The following ANKS1A variants were observed in gnomAD, a reference collection of about 807,000 sequenced individuals.
The protein encoded by ANKS1A is ankyrin repeat and sterile alpha motif domain containing 1A, also known as ankyrin repeat and SAM domain-containing protein 1A.
Under a neutral mutation model 120.3 loss-of-function variants are expected in ANKS1A, and 55 were observed. The ratio of observed to expected loss-of-function variants is 0.46; its 90% confidence interval spans 0.37 to 0.57. ANKS1A has a LOEUF of 0.57. Among genes scored for constraint, ANKS1A ranks in the 20% least tolerant of loss-of-function variants. The pLI is 0.00. For synonymous variants in ANKS1A, 590 were observed against 604.7 expected, an observed-to-expected ratio of 0.98 and a Z score of 0.36; for missense variants, 1,123 against 1,480.3, an observed-to-expected ratio of 0.76 and a Z score of 3.96.
chr6:35,060,309 C>A lies in ANKS1A; in HGVS notation c.2184+56C>A, dbSNP rs1308520872. ...GGTGCTGCTCAGTGGAAACAGGCCTCCCTGGCCTCCCCTCTGGCCCCACAG... is the reference window on the plus strand; with the variant it reads ...GGTGCTGCTCAGTGGAAACAGGCCTACCTGGCCTCCCCTCTGGCCCCACAG... On this transcript the variant is annotated intron_variant, in intron 13 of 23. Transcript: ENST00000360359. The surrounding 1 kb of genome is among the most constrained non-coding windows in gnomAD (Gnocchi z 4.5). The A allele has an allele frequency of 1.4e-6, 2 of 1,455,790 alleles. No individual in the cohort carries two copies. Among genetic ancestry groups the A allele is most frequent in the Non-Finnish European group, 1.9e-6 (2 of 1,054,868 alleles). The allele number at this position is 1,455,790 out of a possible 1,614,324, so 90.2% of individuals were successfully genotyped here.
Position 35,017,782 on chromosome 6 carries a change from G to A in ANKS1A, c.1733G>A (p.Arg578His), listed in dbSNP as rs139989759. 6.7e-5 allele frequency: 108 copies of A among 1,614,094 alleles called. No individual in the cohort carries two copies. In the Middle Eastern group the frequency reaches 8.2e-4, roughly 12 times the overall value. ...ACAGGCCTGCCCACCACCAACAGCC[G>A]CTCGCACCCTGAAACTTTGACTCAC... The part of the protein sequence containing the change: ...YLTGLPTTNS[R>H]SHPETLTHTA... The change falls in exon 11 of 24, where the codon CGC (arginine) becomes CAC (histidine). Residue 578 changes from arginine (R) to histidine (H), a missense_variant. Around this residue, in one of 3 missense-constraint regions of ANKS1A, gnomAD observed 904 missense variants for 1,130.4 expected, o/e 0.80. Transcript: ENST00000360359.
chr6:35,047,961 C>T (rs1158111598), intron 11 of ANKS1A, among the ~76,000 whole-genome samples: 1 of 152,164 alleles, frequency 6.6e-6, no homozygotes, highest in Non-Finnish European at 1.5e-5. Flanking sequence ...GGGAAAGGGC[C>T]AGCTGGTAGT....
chr6:35,097,635 AAG>A, the ANKS1A span, among the ~76,000 whole-genome samples: 91 of 117,976 alleles, frequency 7.7e-4, no homozygotes, highest in African/African-American at 2.4e-3. Flanking sequence ...AAAAAGCCAA[AAG>A]AAAAAAAAAA....
chr6:35,043,434 G>A (rs1775562875), intron 11 of ANKS1A, among the ~76,000 whole-genome samples: 1 of 152,220 alleles, frequency 6.6e-6, no homozygotes, highest in Admixed American at 6.5e-5. Flanking sequence ...CAGCCTGCAG[G>A]GGAGAGACTT....
intron 6 of ANKS1A, 51 bp from the exon 7 acceptor site, chr6:34,983,273 T>A: frequency 6.2e-7 from 1 of 1,610,110 alleles, no homozygotes; most frequent in Non-Finnish European, 8.5e-7. Flanking sequence ...ACCAAGGCAT[T>A]TGTATTTGGT....
chr6:34,957,628 C>G (rs1345888886), intron 1 of ANKS1A, among the ~76,000 whole-genome samples: 1 of 152,186 alleles, frequency 6.6e-6, no homozygotes, highest in Non-Finnish European at 1.5e-5. Context: ...GGAGAGCTGC[C>G]TAGGACCTCT....
At chr6:35,012,220 G>A in intron 10 of ANKS1A, among the ~76,000 whole-genome samples, 1 of 152,146 alleles carries the variant, frequency 6.6e-6, no homozygotes. Context: ...TCACGGGGCT[G>A]GAACTAAAAC....
chr6:34,959,442 G>GTGCT (rs3839630), intron 1 of ANKS1A, among the ~76,000 whole-genome samples: 18,941 of 152,182 alleles, frequency 0.12, 1,328 homozygotes, highest in East Asian at 0.34. Flanking sequence ...TCCTTACATA[G>GTGCT]TGCTCTGTTC....
At chr6:35,049,521 G>A (rs1473187352) in intron 11 of ANKS1A, among the ~76,000 whole-genome samples, 1 of 152,188 alleles carries the variant, frequency 6.6e-6, no homozygotes, top group East Asian at 1.9e-4. Flanking sequence ...AGTGCCGAGT[G>A]GAAGAGGCGA....
rs368738699 is a variant in ANKS1A at position 34,963,245 on chromosome 6, T to G, written c.198-3994T>G. Among the ~76,000 whole-genome samples, 7 of 152,318 alleles carry G rather than the reference T, an allele frequency of 4.6e-5. No homozygotes were observed. In the East Asian group the frequency reaches 9.7e-4, roughly 21 times the overall value. The stretch of plus-strand genomic sequence containing the variant: ...ATCTCTTGAATTTATCCCTCCTGAC[T>G]GAAATTTTGTTCCTTTGACCAACAT... On this transcript the variant is annotated intron_variant, in intron 1 of 23. Transcript: ENST00000360359.
rs11458954 is a variant in ANKS1A, at chr6:35,084,492, CTT to C, written c.3132+250_3132+251del. Among the ~76,000 whole-genome samples the C allele has an allele frequency of 5.8e-5, 8 of 138,488 alleles. No individual in the cohort carries two copies. The highest frequency in any genetic ancestry group is 5.4e-5 in the African/African-American group (2 of 37,366). 90.9% of individuals were successfully genotyped at this position (138,488 alleles called of 152,430 possible). A position where few individuals can be genotyped will look rare whatever the true frequency, so the allele number is the denominator to read the frequency against. On this transcript the variant is annotated intron_variant, in intron 21 of 23. Transcript: ENST00000360359. The surrounding 1 kb of genome is among the most constrained non-coding windows in gnomAD (Gnocchi z 4.8). ...GGGCACTAGGGACAGGAGGTTCCAG[CTT>C]TTTTTTTTTTTTTTTAAGAGATGGA...
At chr6:34,946,973 A>G (rs186244840) in intron 1 of ANKS1A, among the ~76,000 whole-genome samples, 1 of 152,350 alleles carries the variant, frequency 6.6e-6, no homozygotes, top group East Asian at 1.9e-4. Context: ...CTGGCTTCTC[A>G]TGCTAACTCT....
chr6:34,977,465 C>A (rs540765171), intron 3 of ANKS1A, among the ~76,000 whole-genome samples: 21 of 152,046 alleles, frequency 1.4e-4, no homozygotes, highest in Admixed American at 9.8e-4. Context: ...TTTAGGCCAA[C>A]CTTCCACATA....
intron 11 of ANKS1A, among the ~76,000 whole-genome samples, chr6:35,045,810 A>G (rs1168251631): frequency 6.6e-6 from 1 of 152,178 alleles, no homozygotes; most frequent in Non-Finnish European, 1.5e-5. Context: ...GCTAGTGCCT[A>G]GTGCAGTGAG....
chr6:34,973,456 T>G, intron 3 of ANKS1A, among the ~76,000 whole-genome samples: 1 of 152,214 alleles, frequency 6.6e-6, no homozygotes, highest in East Asian at 1.9e-4. Context: ...TGGGTGATGG[T>G]GTTAGCCTCT....
Position 34,889,859 on chromosome 6 carries a change from A to G in ANKS1A, c.197+260A>G, listed in dbSNP as rs1394955263. ...GTGCCCAGGTGGCAGCCTCCGCCGCATGGCACAGCCAGGGTTCACTCTCGC... is the reference window on the plus strand; with the variant it reads ...GTGCCCAGGTGGCAGCCTCCGCCGCGTGGCACAGCCAGGGTTCACTCTCGC... On this transcript the variant is annotated intron_variant, in intron 1 of 23. Coordinates refer to ENST00000360359, the MANE Select transcript of ANKS1A (RefSeq NM_015245.3). This position sits in a 1 kb window ranked among gnomAD's most constrained non-coding sequence, Gnocchi z 5.5. Among the ~76,000 whole-genome samples, 1 of 152,050 alleles carries G rather than the reference A, an allele frequency of 6.6e-6. No individual in the cohort carries two copies. The highest frequency in any genetic ancestry group is 1.5e-5 in the Non-Finnish European group (1 of 67,990).
At position 34,994,418 on chromosome 6, in the gene ANKS1A, A is replaced by G; in HGVS notation, c.1419A>G (p.Thr473=). 1.2e-6 allele frequency: 2 copies of G among 1,611,636 alleles called. No individual in the cohort carries two copies. Among genetic ancestry groups the G allele is most frequent in the Non-Finnish European group, 1.7e-6 (2 of 1,178,276 alleles). The part of the protein sequence containing the change: ...TKKVVLVDGK[T]KDHRRSSSSR... Reference sequence around the variant, plus strand: ...AAGTGGTGTTGGTGGATGGAAAAACAAAAGGTACGTTCCCCACAACTCCTG... The same window carrying G: ...AAGTGGTGTTGGTGGATGGAAAAACGAAAGGTACGTTCCCCACAACTCCTG... Residue 473 remains threonine, a synonymous_variant, in exon 10 of 24, where the codon ACA becomes ACG. Coordinates refer to ENST00000360359, the MANE Select transcript of ANKS1A (RefSeq NM_015245.3).
Position 35,089,095 on chromosome 6 carries a change from G to GAACGGAGC in ANKS1A, c.*488_*495dup. ...GAAGGCGGTGGCCTGTGGGTGAGGG[G>GAACGGAGC]AACGGAGCAGGCTCAGGCAGAATTG... is the stretch of plus-strand genomic sequence containing the variant. On this transcript the variant is annotated 3_prime_UTR_variant, in exon 24 of 24. Transcript: ENST00000360359. 1 of 1,047,152 alleles carries GAACGGAGC rather than the reference G, an allele frequency of 9.5e-7. No individual in the cohort carries two copies. The highest frequency in any genetic ancestry group is 1.2e-6 in the Non-Finnish European group (1 of 866,004). 64.9% of individuals were successfully genotyped at this position (1,047,152 alleles called of 1,614,324 possible).
rs964397739 is a variant in ANKS1A at position 35,050,034 on chromosome 6, T to G, written c.2011-4065T>G. On this transcript the variant is annotated intron_variant, in intron 11 of 23. Coordinates refer to ENST00000360359, the MANE Select transcript of ANKS1A (RefSeq NM_015245.3). The surrounding 1 kb of genome is among the most constrained non-coding windows in gnomAD (Gnocchi z 4.3). ...CGCCTGGTGATGGGGGATGGAGACCTCTCCATACAGAGCTCCACCTCCCAT... is the reference window on the plus strand; with the variant it reads ...CGCCTGGTGATGGGGGATGGAGACCGCTCCATACAGAGCTCCACCTCCCAT... Among the ~76,000 whole-genome samples the G allele has an allele frequency of 4.6e-5, 7 of 152,088 alleles. No homozygotes were observed. The highest frequency in any genetic ancestry group is 4.6e-4 in the Admixed American group (7 of 15,278).
Sources: allele counts gnomAD v4.1 joint callset (sites outside exome capture counted in the v4.1 genomes callset), GRCh38; gene constraint gnomAD v4.1.1; regional missense constraint gnomAD v4.1.1; non-coding constraint Gnocchi (gnomAD v3.1); transcripts MANE v1.5; gene names NCBI Gene and HGNC (gene_info 2026-07-23, HGNC 2026-07-21).